The following EXOSC9 variants were observed in gnomAD, a reference collection of about 807,000 sequenced individuals.
The protein encoded by EXOSC9 is exosome complex component RRP45.
In EXOSC9, 38 loss-of-function variants were observed where a neutral mutation model predicts 56.5. That is an observed-to-expected ratio of 0.67 (90% CI 0.52 to 0.88). EXOSC9 has a LOEUF of 0.88. Among genes scored for constraint, EXOSC9 ranks in the 40% least tolerant of loss-of-function variants. EXOSC9 has a pLI of 0.00. For missense variants in EXOSC9, 559 were observed against 530.5 expected (o/e 1.05, Z -0.53); for synonymous variants, 170 against 170.8 (o/e 0.99, Z 0.04).
intron 2 of EXOSC9, 45 bp downstream of exon 2, chr4:121,801,966 GAAA>G: frequency 4.6e-6 from 6 of 1,313,680 alleles, no homozygotes; most frequent in Non-Finnish European, 6.6e-6. Context: ...GGAGAAGTTT[GAAA>G]AAAGACCTTA....
intron 5 of EXOSC9, among the ~76,000 whole-genome samples, chr4:121,806,025 G>A (rs894713915): frequency 1.3e-5 from 2 of 151,988 alleles, no homozygotes; most frequent in East Asian, 1.9e-4. Flanking sequence ...GGCTGGTCTC[G>A]AACTCCTGGG....
intron 10 of EXOSC9, chr4:121,815,902 A>G (rs1724479811): frequency 8.4e-7 from 1 of 1,188,176 alleles, no homozygotes; most frequent in South Asian, 4.3e-5. Context: ...AAAGAAACAA[A>G]TGTTACAGAT....
In EXOSC9 at chr4:121,812,715, T is replaced by A. The variant is rs183376119; in HGVS notation, c.828-519T>A. On this transcript the variant is annotated intron_variant, in intron 8 of 11. Coordinates refer to ENST00000243498, the MANE Select transcript of EXOSC9 (RefSeq NM_005033.3). ...CGTTTTGGCCAGGCCGGTCTCAAAC[T>A]CCTGACCTCAGGTGATCCACCCGCC... 2.7e-3 allele frequency among the ~76,000 whole-genome samples: 414 copies of A among 152,326 alleles called. 1 individual carries two copies. The highest frequency in any genetic ancestry group is 9.6e-3 in the African/African-American group (401 of 41,572).
chr4:121,809,044 A>G (rs1727130386), intron 6 of EXOSC9, among the ~76,000 whole-genome samples: 2 of 151,600 alleles, frequency 1.3e-5, no homozygotes, highest in African/African-American at 4.9e-5. Context: ...GCTGGAGTGC[A>G]GTGGTGTGAT....
At chr4:121,813,146 AAAT>A in intron 8 of EXOSC9, 85 bp from the exon 9 acceptor site, 9 of 1,262,202 alleles carry the variant, frequency 7.1e-6, no homozygotes, top group Non-Finnish European at 8.7e-6. Flanking sequence ...CCAAAGGATA[AAAT>A]AATAGTTTTT....
Position 121,811,663 on chromosome 4 carries a change from AAAAGTAAGGT to A in EXOSC9, c.822_827+4del. 1 of 1,542,266 alleles carries A rather than the reference AAAAGTAAGGT, an allele frequency of 6.5e-7. No individual in the cohort carries two copies. Among genetic ancestry groups the A allele is most frequent in the Non-Finnish European group, 8.8e-7 (1 of 1,137,288 alleles). ...TATTGAAAGCTTTGGAGAATGACCA[AAAAGTAAGGT>A]AAGTAACTTTTCCAGAACTAAGTGG... On this transcript the variant is annotated splice_donor_variant and coding_sequence_variant, in exon 8 of 12. Transcript: ENST00000243498. LOFTEE classifies it high-confidence loss of function.
At chr4:121,810,310 C>T (rs1727176335) in intron 7 of EXOSC9, among the ~76,000 whole-genome samples, 1 of 151,840 alleles carries the variant, frequency 6.6e-6, no homozygotes, top group Admixed American at 6.6e-5. Flanking sequence ...GCTCCCGTGT[C>T]TGGCCTGCTG....
intron 6 of EXOSC9, 174 bp downstream of exon 6, chr4:121,807,796 G>C (rs1727068415): frequency 1.7e-6 from 1 of 604,384 alleles, no homozygotes; most frequent in African/African-American, 1.9e-5. Flanking sequence ...CTCAGTAGAA[G>C]TAACAAAACT....
intron 6 of EXOSC9, 94 bp from the exon 7 acceptor site, chr4:121,809,873 A>G: frequency 7.1e-7 from 1 of 1,416,140 alleles, no homozygotes; most frequent in East Asian, 2.3e-5. Context: ...TTCTCTGTTG[A>G]CTTTATTGAT....
In EXOSC9 at chr4:121,814,034, T is replaced by C; in HGVS notation, c.1143T>C (p.Asp381=). ...IKMDTGVEVS[D]IGSQDAPIIL... ...TGGACACTGGAGTAGAAGTCTCTGA[T>C]ATTGGAAGCCAAGGTAGGTGACACT... The change falls in exon 10 of 12, where the codon GAT becomes GAC. Residue 381 remains aspartate (D), a synonymous_variant. Transcript: ENST00000243498. 6.2e-7 allele frequency: 1 copy of C among 1,610,714 alleles called. No homozygotes were observed. Among genetic ancestry groups the C allele is most frequent in the Non-Finnish European group, 8.5e-7 (1 of 1,178,852 alleles).
chr4:121,815,933 A>G, intron 10 of EXOSC9: 1 of 1,227,016 alleles, frequency 8.1e-7, no homozygotes, highest in Non-Finnish European at 1.0e-6. Flanking sequence ...GTGCTCTAAG[A>G]AGCTGATTTA....
chr4:121,804,407 T>C, intron 4 of EXOSC9: 2 of 385,930 alleles, frequency 5.2e-6, no homozygotes, highest in South Asian at 1.3e-4. Context: ...GTTCTGTTTA[T>C]TTAAAGTATG....
In EXOSC9 at chr4:121,801,340, C is replaced by G. The variant is rs912785614; in HGVS notation, c.-85C>G. 7.4e-7 allele frequency: 1 copy of G among 1,350,936 alleles called. No homozygotes were observed. The allele number at this position is 1,350,936 out of a possible 1,614,324, so 83.7% of individuals were successfully genotyped here. ...TTGATGACGTAATTTTCCTGCGCCT[C>G]GGGGCGAGCAGCGGCGCGCAAGGAA... On this transcript the variant is annotated 5_prime_UTR_variant, in exon 1 of 12. Transcript: ENST00000243498.
intron 6 of EXOSC9, among the ~76,000 whole-genome samples, chr4:121,809,138 A>G (rs767581281): frequency 2.6e-5 from 4 of 151,654 alleles, no homozygotes; most frequent in African/African-American, 4.8e-5. Context: ...GGTGTGTGGC[A>G]TACCCAGCTA....
At chr4:121,812,525 C>CT (rs1727241174) in intron 8 of EXOSC9, among the ~76,000 whole-genome samples, 1 of 152,190 alleles carries the variant, frequency 6.6e-6, no homozygotes, top group Non-Finnish European at 1.5e-5. Context: ...ACTTCTCACT[C>CT]TGTCACCTAG....
rs771001230 is a variant in EXOSC9, at chr4:121,816,427, C to T, written c.1215C>T (p.Asp405=). The T allele has an allele frequency of 3.2e-6, 5 of 1,574,462 alleles. No individual in the cohort carries two copies. Among genetic ancestry groups the T allele is most frequent in the Non-Finnish European group, 3.4e-6 (4 of 1,160,362 alleles). Residue 405 remains aspartate (D), a synonymous_variant, in exon 11 of 12, where the codon GAC becomes GAT. Coordinates refer to ENST00000243498, the MANE Select transcript of EXOSC9 (RefSeq NM_005033.3). ...EEEEMIILEP[D]KNPKKIRTQT... ...AAGAAATGATCATTTTGGAACCAGACAAGAATCCAAAGAAAATAAGGTAAC... is the reference window on the plus strand; with the variant it reads ...AAGAAATGATCATTTTGGAACCAGATAAGAATCCAAAGAAAATAAGGTAAC...
rs1291746826 is a variant in EXOSC9, at chr4:121,811,620, C to T, written c.776C>T (p.Ala259Val). ...AGTAAAATCGCTGGTGTGAAAGTAG[C>T]AGAAATTACAGAGCTAATATTGAAA... is the stretch of plus-strand genomic sequence containing the variant. ...RCSKIAGVKV[A>V]EITELILKAL... Residue 259 changes from alanine (A) to valine (V), a missense_variant, in exon 8 of 12, where the codon GCA becomes GTA. Physicochemically the swap from Ala to Val is moderately conservative, Grantham distance 64. Coordinates refer to ENST00000243498, the MANE Select transcript of EXOSC9 (RefSeq NM_005033.3). 3 of 1,591,866 alleles carry T rather than the reference C, an allele frequency of 1.9e-6. No homozygotes were observed. Among genetic ancestry groups the T allele is most frequent in the South Asian group, 2.3e-5 (2 of 85,762 alleles).
chr4:121,802,675 G>A lies in EXOSC9; in HGVS notation c.163G>A (p.Val55Ile), dbSNP rs1456702949. 6.2e-7 allele frequency: 1 copy of A among 1,613,794 alleles called. No individual in the cohort carries two copies. The highest frequency in any genetic ancestry group is 8.5e-7 in the Non-Finnish European group (1 of 1,179,930). ...TACTTTGTAACTTTATCTTTGCAGA[G>A]TTCTTGGACAGGTTTCCTGTGAACT... ...CCIVELGKTR[V>I]LGQVSCELVS... The change falls in exon 3 of 12, where the codon GTT becomes ATT. Residue 55 changes from valine (V) to isoleucine (I), a missense_variant and splice_region_variant. Transcript: ENST00000243498.
In EXOSC9 at chr4:121,813,170, G is replaced by T; in HGVS notation, c.828-64G>T. ...AAAATAATAGTTTTTTTCCCTTCCT[G>T]TCTTCTATCCAATCTGTTACCTTCC... On this transcript the variant is annotated intron_variant, in intron 8 of 11. Transcript: ENST00000243498. 4 of 1,432,838 alleles carry T rather than the reference G, an allele frequency of 2.8e-6. No individual in the cohort carries two copies. The African/African-American group carries it at 4.3e-5, about 15-fold the overall frequency. 88.8% of individuals were successfully genotyped at this position (1,432,838 alleles called of 1,614,324 possible).
Sources: allele counts gnomAD v4.1 joint callset (sites outside exome capture counted in the v4.1 genomes callset), GRCh38; gene constraint gnomAD v4.1.1; transcripts MANE v1.5; gene names NCBI Gene and HGNC (gene_info 2026-07-23, HGNC 2026-07-21).